PCDHA9: variants seen among roughly 807,000 people sequenced by gnomAD.
PCDHA9 encodes protocadherin alpha 9.
Under a neutral mutation model 62.0 loss-of-function variants are expected in PCDHA9, and 62 were observed. The ratio of observed to expected loss-of-function variants is 1.00; its 90% confidence interval spans 0.81 to 1.23. The LOEUF is 1.23. Ranked by LOEUF, PCDHA9 falls within the 50% of genes most tolerant of loss-of-function variation. PCDHA9 has a pLI of 0.00. For synonymous variants in PCDHA9, 557 were observed against 567.6 expected (o/e 0.98, Z 0.27); for missense variants, 1,205 against 1,249.8 (o/e 0.96, Z 0.54).
At chr5:140,988,556 C>G (rs574182013) in intron 3 of PCDHA9, among the ~76,000 whole-genome samples, 2 of 152,158 alleles carry the variant, frequency 1.3e-5, no homozygotes, top group Non-Finnish European at 2.9e-5. Flanking sequence ...TCTTCATCTT[C>G]TTCTTGGGAA....
intron 1 of PCDHA9, chr5:140,876,551 A>C: frequency 6.2e-7 from 1 of 1,614,184 alleles, no homozygotes; most frequent in Non-Finnish European, 8.5e-7. Flanking sequence ...CTCCCTGTGC[A>C]AGAGGATGCT....
chr5:140,856,173 C>T (rs782775861), intron 1 of PCDHA9: 10 of 1,598,116 alleles, frequency 6.3e-6, no homozygotes, highest in African/African-American at 1.3e-5. Flanking sequence ...AGACACGGCA[C>T]CTTCGTGGGC....
At position 140,855,615 on chromosome 5, in the gene PCDHA9, G is replaced by A. The variant is rs533931974; in HGVS notation, c.2394+4726G>A. On this transcript the variant is annotated intron_variant, in intron 1 of 3. Coordinates refer to ENST00000532602, the MANE Select transcript of PCDHA9 (RefSeq NM_031857.2). ...ACTCAGTAGTATGCAAATATTAAGG[G>A]CATTTTGAAATTCGGCTATTGATAA... Among the ~76,000 whole-genome samples, 21 of 149,700 alleles carry A rather than the reference G, an allele frequency of 1.4e-4. 1 individual carries two copies. Among genetic ancestry groups the A allele is most frequent in the African/African-American group, 5.1e-4 (21 of 40,910 alleles).
At chr5:140,855,892 G>C in intron 1 of PCDHA9, 2 of 1,011,396 alleles carry the variant, frequency 2.0e-6, no homozygotes, top group Non-Finnish European at 2.9e-6. Context: ...TAGAACAAAG[G>C]CATCAGCCAG....
chr5:140,872,007 G>A (rs974078446), intron 1 of PCDHA9, among the ~76,000 whole-genome samples: 7 of 152,176 alleles, frequency 4.6e-5, no homozygotes, highest in African/African-American at 1.4e-4. Flanking sequence ...ATTTACAGGT[G>A]ACCTGTAGCC....
At chr5:140,952,698 C>G (rs1020795237) in intron 1 of PCDHA9, among the ~76,000 whole-genome samples, 4 of 152,182 alleles carry the variant, frequency 2.6e-5, no homozygotes, top group Non-Finnish European at 4.4e-5. Context: ...ATAGCAATAT[C>G]CCACTCTCAG....
intron 1 of PCDHA9, among the ~76,000 whole-genome samples, chr5:140,886,744 TG>T (rs2061111877): frequency 6.6e-6 from 1 of 150,996 alleles, no homozygotes. Flanking sequence ...GAGAATTGCT[TG>T]AACCCGGGAG....
Position 140,849,133 on chromosome 5 carries a change from C to T in PCDHA9, c.638C>T (p.Thr213Met). The change falls in exon 1 of 4, where the codon ACG becomes ATG. Residue 213 changes from threonine (T) to methionine (M), a missense_variant. Thr to Met is a moderately conservative substitution (Grantham distance 81, BLOSUM62 -1). Coordinates refer to ENST00000532602, the MANE Select transcript of PCDHA9 (RefSeq NM_031857.2). ...EETPELHLLL[T>M]ATDGGKPELT... ...ACTCCGGAGCTTCATTTATTGCTCA[C>T]GGCCACCGATGGAGGCAAACCCGAG... The T allele has an allele frequency of 1.5e-6, 2 of 1,357,922 alleles. No homozygotes were observed. The highest frequency in any genetic ancestry group is 2.6e-5 in the South Asian group (2 of 77,654). 84.1% of individuals were successfully genotyped at this position (1,357,922 alleles called of 1,614,324 possible).
chr5:140,972,621 G>T (rs1278363112), intron 1 of PCDHA9, among the ~76,000 whole-genome samples: 1 of 148,458 alleles, frequency 6.7e-6, no homozygotes, highest in South Asian at 2.1e-4. Flanking sequence ...ACTGAATGTT[G>T]TTGGCACTCC....
intron 1 of PCDHA9, chr5:140,876,188 G>T: frequency 6.2e-7 from 1 of 1,613,944 alleles, no homozygotes; most frequent in South Asian, 1.1e-5. Flanking sequence ...AATGACAATG[G>T]TCCGGCGTTT....
chr5:140,909,784 C>T (rs1380024637), intron 1 of PCDHA9, among the ~76,000 whole-genome samples: 1 of 152,154 alleles, frequency 6.6e-6, no homozygotes, highest in African/African-American at 2.4e-5. Context: ...TGGACCCACT[C>T]TAAGTCAGAC....
chr5:140,929,541 G>A, intron 1 of PCDHA9: 6 of 542,944 alleles, frequency 1.1e-5, no homozygotes, highest in Non-Finnish European at 1.8e-5. Context: ...AGAAACAAGG[G>A]CAAAAATTAA....
chr5:140,856,728 T>A (rs782022822), intron 1 of PCDHA9: 1 of 1,595,848 alleles, frequency 6.3e-7, no homozygotes, highest in Middle Eastern at 1.7e-4. Flanking sequence ...TCTGTTTCTC[T>A]GCTGATCCTG....
Position 140,969,539 on chromosome 5 carries a change from A to G in PCDHA9, c.2395-9410A>G, listed in dbSNP as rs551546462. ...GAATTGTTTTATTTTTCATTTTCAGAGGCATGAAGCCTTGTCCATAAAATT... is the reference window on the plus strand; with the variant it reads ...GAATTGTTTTATTTTTCATTTTCAGGGGCATGAAGCCTTGTCCATAAAATT... On this transcript the variant is annotated intron_variant, in intron 1 of 3. Transcript: ENST00000532602. The G allele has an allele frequency of 2.3e-6, 3 of 1,303,614 alleles. No individual in the cohort carries two copies. The Admixed American group carries it at 8.5e-5, about 37-fold the overall frequency. 80.8% of individuals were successfully genotyped at this position (1,303,614 alleles called of 1,614,324 possible).
At chr5:140,894,140 C>T (rs1004427236) in intron 1 of PCDHA9, among the ~76,000 whole-genome samples, 2 of 151,956 alleles carry the variant, frequency 1.3e-5, no homozygotes, top group Admixed American at 6.6e-5. Context: ...GAAATAATTC[C>T]CTTCTATGTA....
intron 1 of PCDHA9, among the ~76,000 whole-genome samples, chr5:140,971,359 G>T (rs537725732): frequency 6.6e-5 from 10 of 152,312 alleles, no homozygotes; most frequent in Admixed American, 3.3e-4. Flanking sequence ...GGGAGATTTT[G>T]CCAGGAGAGT....
intron 1 of PCDHA9, among the ~76,000 whole-genome samples, chr5:140,941,241 TTCTTTCTTTCTTTC>T (rs1247398838): frequency 5.8e-4 from 81 of 140,456 alleles, no homozygotes; most frequent in African/African-American, 2.0e-3. Flanking sequence ...CTTTCTTTCT[TTCTTTCTTTCTTTC>T]TCTTTCTTTC....
At chr5:140,864,459 C>CT (rs1474178285) in intron 1 of PCDHA9, 1 of 152,180 alleles carries the variant, frequency 6.6e-6, no homozygotes, top group Non-Finnish European at 1.5e-5. Context: ...CAATATCCAT[C>CT]TTTTTTGAGA....
Position 140,849,019 on chromosome 5 carries a change from A to G in PCDHA9, c.524A>G (p.Asn175Ser), listed in dbSNP as rs144148683. The change falls in exon 1 of 4, where the codon AAT (asparagine) becomes AGT (serine). Residue 175 changes from asparagine (N) to serine (S), a missense_variant. Physicochemically the swap from Asn to Ser is conservative, Grantham distance 46. Coordinates refer to ENST00000532602, the MANE Select transcript of PCDHA9 (RefSeq NM_031857.2). ...NALLTYRLSPNEYFFLDVPTS... is the reference protein window; with the variant it reads ...NALLTYRLSPSEYFFLDVPTS... ...CTGCTCACTTACAGACTGAGCCCCA[A>G]TGAGTATTTCTTCCTGGACGTGCCA... 14,073 of 1,587,530 alleles carry G rather than the reference A, an allele frequency of 8.9e-3. 240 individuals carry two copies. Among genetic ancestry groups the G allele is most frequent in the Non-Finnish European group, 0.011 (13,037 of 1,163,614 alleles).
Sources: gnomAD v4.1 joint callset for allele counts (sites outside exome capture counted in the v4.1 genomes callset) on GRCh38, gnomAD v4.1.1 for gene constraint, MANE v1.5 for transcripts, NCBI Gene and HGNC (gene_info 2026-07-23, HGNC 2026-07-21) for gene names.